FEM1B: variants seen among roughly 807,000 people sequenced by gnomAD.
FEM1B encodes the protein fem-1 homolog B.
In FEM1B, 10 loss-of-function variants were observed where a neutral mutation model predicts 38.6. The observed-to-expected ratio is 0.26, with a 90% CI of 0.16 to 0.44. The LOEUF (loss-of-function observed/expected upper bound fraction) is 0.44, where lower values mean the gene tolerates loss of function less well. FEM1B is among the 20% of genes least tolerant of loss of function. The pLI is 1.00. For synonymous variants in FEM1B, 288 were observed against 288.0 expected, an observed-to-expected ratio of 1.00 and a Z score of 0.00; for missense variants, 471 against 786.7, an observed-to-expected ratio of 0.60 and a Z score of 4.80.
At chr15:68,287,300 T>C (rs1892799547) in intron 1 of FEM1B, among the ~76,000 whole-genome samples, 1 of 152,240 alleles carries the variant, frequency 6.6e-6, no homozygotes, top group Admixed American at 6.5e-5. Flanking sequence ...ATGTCTTACA[T>C]ACAGTAAAAT....
At position 68,292,574 on chromosome 15, in the gene FEM1B, C is replaced by G. The variant is rs1379702203; in HGVS notation, c.*1332C>G. The G allele has an allele frequency of 1.3e-5, 2 of 150,804 alleles. No individual in the cohort carries two copies. The highest frequency in any genetic ancestry group is 4.9e-5 in the African/African-American group (2 of 41,094). 9.3% of individuals were successfully genotyped at this position (150,804 alleles called of 1,614,324 possible). ...AAATTAGCTGTATCTGTAATTTTCT[C>G]TCTAGTGCCAAATGAATGCCTTAGC... On this transcript the variant is annotated 3_prime_UTR_variant, in exon 2 of 2. Transcript: ENST00000306917.
rs1892671243 is a variant in FEM1B, at chr15:68,277,764, T to G, written c.-654T>G. 1 of 152,322 alleles carries G rather than the reference T, an allele frequency of 6.6e-6. No homozygotes were observed. The highest frequency in any genetic ancestry group is 1.5e-5 in the Non-Finnish European group (1 of 68,084). The allele number at this position is 152,322 out of a possible 1,614,324, so 9.4% of individuals were successfully genotyped here. ...CCCGCCCTCTCCTCCCGGCCCTGTC[T>G]GCGAAAGCTCGTCTTCCTCCCCGCC... On this transcript the variant is annotated 5_prime_UTR_variant, in exon 1 of 2. Coordinates refer to ENST00000306917, the MANE Select transcript of FEM1B (RefSeq NM_015322.5).
Position 68,284,884 on chromosome 15 carries a change from A to G in FEM1B, c.249-4723A>G, listed in dbSNP as rs1268037549. On this transcript the variant is annotated intron_variant, in intron 1 of 1. Coordinates refer to ENST00000306917, the MANE Select transcript of FEM1B (RefSeq NM_015322.5). This position sits in a 1 kb window ranked among gnomAD's most constrained non-coding sequence, Gnocchi z 4.4. ...ATTGTAAGGGGGAGATTCCCTGCAC[A>G]AGCTCACTTTGCCTGCTGCCATCCA... 6.6e-6 allele frequency among the ~76,000 whole-genome samples: 1 copy of G among 152,212 alleles called. No homozygotes were observed. Among genetic ancestry groups the G allele is most frequent in the Non-Finnish European group, 1.5e-5 (1 of 68,038 alleles).
At chr15:68,285,974 AAATTC>A (rs369902682) in intron 1 of FEM1B, among the ~76,000 whole-genome samples, 1 of 151,338 alleles carries the variant, frequency 6.6e-6, no homozygotes, top group African/African-American at 2.4e-5. Flanking sequence ...GATCAACACT[AAATTC>A]ATTAAGAATA....
At position 68,294,512 on chromosome 15, in the gene FEM1B, C is replaced by T. The variant is rs182017307; in HGVS notation, c.*3270C>T. On this transcript the variant is annotated 3_prime_UTR_variant, in exon 2 of 2. Coordinates refer to ENST00000306917, the MANE Select transcript of FEM1B (RefSeq NM_015322.5). The surrounding 1 kb of genome is among the most constrained non-coding windows in gnomAD (Gnocchi z 4.4). ...ATTAAAATTTCAAGTGAGCAACACC[C>T]TGTTAAGAGTTTTCACTATAGTTGA... is the stretch of plus-strand genomic sequence containing the variant. 9.0e-4 allele frequency: 137 copies of T among 152,038 alleles called. No homozygotes were observed. The highest frequency in any genetic ancestry group is 3.3e-3 in the African/African-American group (136 of 41,488). 9.4% of individuals were successfully genotyped at this position (152,038 alleles called of 1,614,324 possible).
intron 1 of FEM1B, among the ~76,000 whole-genome samples, chr15:68,286,338 T>G (rs1328439962): frequency 6.6e-6 from 1 of 152,176 alleles, no homozygotes; most frequent in African/African-American, 2.4e-5. Context: ...TGTTTGCATT[T>G]CCATATTCTT....
At position 68,290,620 on chromosome 15, in the gene FEM1B, G is replaced by A. The variant is rs2140246064; in HGVS notation, c.1262G>A (p.Ser421Asn). ...TGCAGTGTTTTGGAAATAGAACAAAGTATGAACAGAGTGAAAAATATTTCA... is the reference window on the plus strand; with the variant it reads ...TGCAGTGTTTTGGAAATAGAACAAAATATGAACAGAGTGAAAAATATTTCA... ...LRCSVLEIEQ[S>N]MNRVKNISDA... The change falls in exon 2 of 2, where the codon AGT (serine) becomes AAT (asparagine). Residue 421 changes from serine to asparagine, a missense_variant. This residue lies in a region of FEM1B where 380 missense variants were observed against 599.6 expected (regional missense o/e 0.63). Coordinates refer to ENST00000306917, the MANE Select transcript of FEM1B (RefSeq NM_015322.5). The surrounding 1 kb of genome is among the most constrained non-coding windows in gnomAD (Gnocchi z 9.7). The A allele has an allele frequency of 3.1e-6, 5 of 1,614,186 alleles. No homozygotes were observed. The South Asian group carries it at 3.3e-5, about 11-fold the overall frequency.
intron 1 of FEM1B, among the ~76,000 whole-genome samples, chr15:68,285,975 A>C (rs1472689537): frequency 6.6e-6 from 1 of 151,728 alleles, no homozygotes. Context: ...ATCAACACTA[A>C]ATTCATTAAG....
chr15:68,278,742 C>T lies in FEM1B; in HGVS notation c.248+77C>T. 6.5e-7 allele frequency: 1 copy of T among 1,530,508 alleles called. No homozygotes were observed. Among genetic ancestry groups the T allele is most frequent in the African/African-American group, 1.4e-5 (1 of 73,456 alleles). The allele number at this position is 1,530,508 out of a possible 1,614,324, so 94.8% of individuals were successfully genotyped here. Reference sequence around the variant, plus strand: ...CACGGGCCCTCCCCTCCCTCACCCTCTCTTACCCTCTCTTCATGTAGGTAC... The same window carrying T: ...CACGGGCCCTCCCCTCCCTCACCCTTTCTTACCCTCTCTTCATGTAGGTAC... On this transcript the variant is annotated intron_variant, in intron 1 of 1. Transcript: ENST00000306917. The surrounding 1 kb of genome is among the most constrained non-coding windows in gnomAD (Gnocchi z 5.7).
chr15:68,280,413 G>A lies in FEM1B; in HGVS notation c.248+1748G>A, dbSNP rs1293111929. 2.0e-5 allele frequency: 3 copies of A among 152,234 alleles called. No homozygotes were observed. In the East Asian group the frequency reaches 5.8e-4, roughly 29 times the overall value. 9.4% of individuals were successfully genotyped at this position (152,234 alleles called of 1,614,324 possible). ...TGGAGGATGTCAGTCTGGGTGGGGG[G>A]AGAGAAATTAATAACACAAATGAGT... On this transcript the variant is annotated intron_variant, in intron 1 of 1. Coordinates refer to ENST00000306917, the MANE Select transcript of FEM1B (RefSeq NM_015322.5). This position sits in a 1 kb window ranked among gnomAD's most constrained non-coding sequence, Gnocchi z 4.2.
At chr15:68,287,830 C>CTTTT (rs71455589) in intron 1 of FEM1B, among the ~76,000 whole-genome samples, 7 of 114,664 alleles carry the variant, frequency 6.1e-5, no homozygotes, top group South Asian at 2.9e-4. Context: ...GCTAACGTCT[C>CTTTT]TTTTTTTTTT....
Position 68,289,711 on chromosome 15 carries a change from C to T in FEM1B, c.353C>T (p.Thr118Ile). ...VSHGANVNHT[T>I]VTNSTPLRAA... is the part of the protein sequence containing the mutation. ...CATGGAGCCAACGTGAACCATACCA[C>T]AGTAACTAATTCAACCCCCCTGCGG... is the stretch of plus-strand genomic sequence containing the variant. Residue 118 changes from threonine to isoleucine, a missense_variant, in exon 2 of 2, where the codon ACA becomes ATA. Around this residue, in one of 3 missense-constraint regions of FEM1B, gnomAD observed 91 missense variants for 169.6 expected, o/e 0.54. Coordinates refer to ENST00000306917, the MANE Select transcript of FEM1B (RefSeq NM_015322.5). The surrounding 1 kb of genome is among the most constrained non-coding windows in gnomAD (Gnocchi z 6.9). 6.2e-7 allele frequency: 1 copy of T among 1,614,138 alleles called. No individual in the cohort carries two copies. The highest frequency in any genetic ancestry group is 8.5e-7 in the Non-Finnish European group (1 of 1,179,966).
In FEM1B at chr15:68,295,848, A is replaced by T. The variant is rs1892901629; in HGVS notation, c.*4606A>T. The T allele has an allele frequency of 6.6e-6, 1 of 152,194 alleles. No individual in the cohort carries two copies. Among genetic ancestry groups the T allele is most frequent in the Non-Finnish European group, 1.5e-5 (1 of 68,044 alleles). The allele number at this position is 152,194 out of a possible 1,614,324, so 9.4% of individuals were successfully genotyped here. A position where few individuals can be genotyped will look rare whatever the true frequency, so the allele number is the denominator to read the frequency against. On this transcript the variant is annotated 3_prime_UTR_variant, in exon 2 of 2. Coordinates refer to ENST00000306917, the MANE Select transcript of FEM1B (RefSeq NM_015322.5). ...GAAAAAATGGTGTTTGTGTTCAGTA[A>T]ATGTTTGAAAAAAACTACTTTGAGG...
rs1266277170 is a variant in FEM1B, at chr15:68,284,678, TC to T, written c.249-4926del. Among the ~76,000 whole-genome samples, 1 of 152,204 alleles carries T rather than the reference TC, an allele frequency of 6.6e-6. No individual in the cohort carries two copies. The highest frequency in any genetic ancestry group is 1.5e-5 in the Non-Finnish European group (1 of 68,026). On this transcript the variant is annotated intron_variant, in intron 1 of 1. Transcript: ENST00000306917. This position sits in a 1 kb window ranked among gnomAD's most constrained non-coding sequence, Gnocchi z 4.4. ...TCCCTTGTGCCCCTTCTCAGTTTCC[TC>T]CCTTTCCTTGCCAGAGGTAATGATT...
In FEM1B at chr15:68,292,335, T is replaced by C. The variant is rs1371069195; in HGVS notation, c.*1093T>C. ...ATTCTCAATGCCACTTGAAAGGTAA[T>C]TGTGTCTGAGAGCTGCAAATTTTTC... On this transcript the variant is annotated 3_prime_UTR_variant, in exon 2 of 2. Coordinates refer to ENST00000306917, the MANE Select transcript of FEM1B (RefSeq NM_015322.5). 1 of 152,174 alleles carries C rather than the reference T, an allele frequency of 6.6e-6. No homozygotes were observed. The highest frequency in any genetic ancestry group is 1.5e-5 in the Non-Finnish European group (1 of 68,004). 9.4% of individuals were successfully genotyped at this position (152,174 alleles called of 1,614,324 possible). A position where few individuals can be genotyped will look rare whatever the true frequency, so the allele number is the denominator to read the frequency against.
At position 68,278,651 on chromosome 15, in the gene FEM1B, C is replaced by T. The variant is rs562834285; in HGVS notation, c.234C>T (p.Thr78=). ...HYRVQTQQTG[T]VRFDGYVIDG... is the part of the protein sequence containing the mutation. ...GGGTGCAGACTCAGCAGACTGGCAC[C>T]GTCCGCTTCGACGGGTAGGTACATC... Residue 78 remains threonine (T), a synonymous_variant, in exon 1 of 2, where the codon ACC becomes ACT. Coordinates refer to ENST00000306917, the MANE Select transcript of FEM1B (RefSeq NM_015322.5). This position sits in a 1 kb window ranked among gnomAD's most constrained non-coding sequence, Gnocchi z 5.7. 2.5e-4 allele frequency: 401 copies of T among 1,613,970 alleles called. 5 individuals carry two copies. The South Asian group carries it at 4.0e-3, about 16-fold the overall frequency.
In FEM1B at chr15:68,295,713, C is replaced by A. The variant is rs1892899594; in HGVS notation, c.*4471C>A. The A allele has an allele frequency of 6.6e-6, 1 of 152,140 alleles. No homozygotes were observed. The highest frequency in any genetic ancestry group is 2.4e-5 in the African/African-American group (1 of 41,428). 9.4% of individuals were successfully genotyped at this position (152,140 alleles called of 1,614,324 possible). On this transcript the variant is annotated 3_prime_UTR_variant, in exon 2 of 2. Coordinates refer to ENST00000306917, the MANE Select transcript of FEM1B (RefSeq NM_015322.5). ...AGGTCCATTAGTGATTTATATATTGCATGACATTTTCTATTTGAGTTTGAC... is the reference window on the plus strand; with the variant it reads ...AGGTCCATTAGTGATTTATATATTGAATGACATTTTCTATTTGAGTTTGAC...
Position 68,278,121 on chromosome 15 carries a change from G to T in FEM1B, c.-297G>T, listed in dbSNP as rs1164447919. The T allele has an allele frequency of 3.2e-6, 1 of 313,852 alleles. No homozygotes were observed. The highest frequency in any genetic ancestry group is 7.3e-5 in the East Asian group (1 of 13,772). 19.4% of individuals were successfully genotyped at this position (313,852 alleles called of 1,614,324 possible). Reference sequence around the variant, plus strand: ...AGGGGTCCGGCCTGAGGCCCGGGGCGGCGTCCGCCATGGAGATCCCCTCGG... The same window carrying T: ...AGGGGTCCGGCCTGAGGCCCGGGGCTGCGTCCGCCATGGAGATCCCCTCGG... On this transcript the variant is annotated 5_prime_UTR_variant, in exon 1 of 2. Coordinates refer to ENST00000306917, the MANE Select transcript of FEM1B (RefSeq NM_015322.5). The surrounding 1 kb of genome is among the most constrained non-coding windows in gnomAD (Gnocchi z 5.7).
Position 68,280,244 on chromosome 15 carries a change from G to T in FEM1B, c.248+1579G>T, listed in dbSNP as rs914567932. The T allele has an allele frequency of 2.0e-5, 3 of 152,256 alleles. No homozygotes were observed. Among genetic ancestry groups the T allele is most frequent in the African/African-American group, 7.2e-5 (3 of 41,462 alleles). 9.4% of individuals were successfully genotyped at this position (152,256 alleles called of 1,614,324 possible). On this transcript the variant is annotated intron_variant, in intron 1 of 1. Transcript: ENST00000306917. The surrounding 1 kb of genome is among the most constrained non-coding windows in gnomAD (Gnocchi z 4.2). ...ACTAGAAATGTAGCATTGAGCCTGT[G>T]TAGTGGCTTATCTTGCCCAATGTTC...
Sources: allele counts gnomAD v4.1 joint callset (sites outside exome capture counted in the v4.1 genomes callset), GRCh38; gene constraint gnomAD v4.1.1; regional missense constraint gnomAD v4.1.1; non-coding constraint Gnocchi (gnomAD v3.1); transcripts MANE v1.5; gene names NCBI Gene and HGNC (gene_info 2026-07-23, HGNC 2026-07-21).